Variants in PHF14 observed in about 807,000 individuals in gnomAD.
PHF14 encodes PHD finger protein 14.
Under a neutral mutation model 117.9 loss-of-function variants are expected in PHF14, and 55 were observed. The ratio of observed to expected loss-of-function variants is 0.47; its 90% CI spans 0.38 to 0.58. The LOEUF is 0.58. PHF14 is among the 20% of genes least tolerant of loss of function. The probability of loss-of-function intolerance (pLI) is 0.00; values close to 1 mark genes in which losing one functional copy is unlikely to be tolerated. For missense variants in PHF14, 978 were observed against 1,122.2 expected (o/e 0.87, Z 1.84); for synonymous variants, 409 against 368.6 (o/e 1.11, Z -1.26).
intron 4 of PHF14, among the ~76,000 whole-genome samples, chr7:11,007,098 A>C (rs1783139236): frequency 6.6e-6 from 1 of 151,592 alleles, no homozygotes; most frequent in African/African-American, 2.4e-5. Context: ...AATCGCTTGA[A>C]CCCAGGAGGG....
intron 3 of PHF14, among the ~76,000 whole-genome samples, chr7:10,985,544 A>G (rs772210006): frequency 1.4e-5 from 2 of 146,954 alleles, no homozygotes; most frequent in Non-Finnish European, 3.0e-5. Context: ...GGGCCCTTTT[A>G]TAATTACTGC....
At chr7:11,129,370 G>C (rs1301728156) in intron 17 of PHF14, among the ~76,000 whole-genome samples, 2 of 151,974 alleles carry the variant, frequency 1.3e-5, no homozygotes, top group Non-Finnish European at 2.9e-5. Flanking sequence ...ATTTTCTTAT[G>C]TAGTTCACTC....
chr7:11,123,444 G>C (rs979255602), intron 17 of PHF14, among the ~76,000 whole-genome samples: 8 of 152,076 alleles, frequency 5.3e-5, no homozygotes, highest in African/African-American at 1.9e-4. Context: ...GATTAAATAT[G>C]CTATAATTAA....
intron 13 of PHF14, 97 bp from the exon 14 acceptor site, chr7:11,051,512 ATAT>A: frequency 1.1e-6 from 1 of 908,484 alleles, no homozygotes. Context: ...ATATTTTTAT[ATAT>A]TATTCTTATA....
At chr7:11,121,960 C>G (rs889897583) in intron 17 of PHF14, among the ~76,000 whole-genome samples, 1 of 151,668 alleles carries the variant, frequency 6.6e-6, no homozygotes, top group Non-Finnish European at 1.5e-5. Context: ...ACCCGTCAGA[C>G]GTTTTAAGCC....
chr7:11,031,733 A>G (rs980430518), intron 7 of PHF14, among the ~76,000 whole-genome samples: 1 of 152,144 alleles, frequency 6.6e-6, no homozygotes. Context: ...AGCCTGGAGA[A>G]TAGAGTGAGA....
chr7:11,052,249 C>T (rs757683876), intron 14 of PHF14, among the ~76,000 whole-genome samples: 23 of 152,110 alleles, frequency 1.5e-4, no homozygotes, highest in Non-Finnish European at 2.5e-4. Context: ...ATGTTTTTCT[C>T]TGGTAATTTG....
At chr7:11,105,729 G>A (rs904602421) in intron 16 of PHF14, 5 of 984,628 alleles carry the variant, frequency 5.1e-6, no homozygotes, top group Non-Finnish European at 6.0e-6. Context: ...CTTTCCCATA[G>A]TGCTCACTTT....
chr7:11,056,183 A>G (rs1040521704), intron 14 of PHF14, among the ~76,000 whole-genome samples: 1 of 152,156 alleles, frequency 6.6e-6, no homozygotes, highest in Non-Finnish European at 1.5e-5. Flanking sequence ...TAGCTCAAGT[A>G]ATCTTATTCA....
At chr7:11,006,282 G>T in intron 4 of PHF14, 1 of 380,962 alleles carries the variant, frequency 2.6e-6, no homozygotes, top group Non-Finnish European at 5.1e-6. Flanking sequence ...GCATCTTGTG[G>T]CCATTTGCCA....
intron 13 of PHF14, among the ~76,000 whole-genome samples, chr7:11,044,010 AAAGGGAAATCATGTTCTTTGTAGCAAC>A (rs1349830064): frequency 8.5e-4 from 129 of 152,298 alleles, no homozygotes; most frequent in Admixed American, 2.9e-3. Context: ...ACACACAAAA[AAAGGGAAATCATGTTCTTTGTAGCAAC>A]AAGGAGGCAG....
intron 17 of PHF14, among the ~76,000 whole-genome samples, chr7:11,122,415 ATATATATATACACG>A (rs1208382791): frequency 2.4e-5 from 3 of 124,166 alleles, no homozygotes; most frequent in East Asian, 2.2e-4. Context: ...ATATACACGT[ATATATATATACACG>A]TATATATATA....
At chr7:11,049,242 G>A (rs1239102287) in intron 13 of PHF14, among the ~76,000 whole-genome samples, 1 of 152,082 alleles carries the variant, frequency 6.6e-6, no homozygotes, top group Non-Finnish European at 1.5e-5. Flanking sequence ...GAAGGCTGAG[G>A]CGGGAGGATC....
In PHF14 at chr7:10,974,149, G is replaced by A. The variant is rs1299196257; in HGVS notation, c.-175G>A. The A allele has an allele frequency of 6.5e-6, 4 of 617,884 alleles. No individual in the cohort carries two copies. Among genetic ancestry groups the A allele is most frequent in the Non-Finnish European group, 8.7e-6 (3 of 344,150 alleles). The allele number at this position is 617,884 out of a possible 1,614,324, so 38.3% of individuals were successfully genotyped here. Reference sequence around the variant, plus strand: ...CCAGGCGAGGCCGGGGGGGCGGGGGGTTAGGGGACCGCGGGGCTACTCTTG... The same window carrying A: ...CCAGGCGAGGCCGGGGGGGCGGGGGATTAGGGGACCGCGGGGCTACTCTTG... On this transcript the variant is annotated 5_prime_UTR_variant, in exon 1 of 18. Coordinates refer to ENST00000634607, the MANE Select transcript of PHF14 (RefSeq NM_001007157.2).
At chr7:11,074,904 C>T (rs967318389) in intron 16 of PHF14, among the ~76,000 whole-genome samples, 4 of 151,828 alleles carry the variant, frequency 2.6e-5, no homozygotes, top group African/African-American at 9.7e-5. Context: ...GCCCATTACC[C>T]AGTTCCCAAG....
chr7:11,080,136 G>A (rs1439082796), intron 16 of PHF14, among the ~76,000 whole-genome samples: 1 of 152,120 alleles, frequency 6.6e-6, no homozygotes, highest in Non-Finnish European at 1.5e-5. Context: ...CATACCAAGT[G>A]TAGTTGGATA....
At chr7:10,975,144 A>G (rs561266102) in intron 2 of PHF14, among the ~76,000 whole-genome samples, 199 bp downstream of exon 2, 1 of 152,342 alleles carries the variant, frequency 6.6e-6, no homozygotes, top group South Asian at 2.1e-4. Context: ...CCTCAGAGAT[A>G]ATTAGCAGTC....
intron 4 of PHF14, among the ~76,000 whole-genome samples, chr7:10,994,511 A>T (rs533728840): frequency 6.6e-6 from 1 of 152,282 alleles, no homozygotes; most frequent in East Asian, 1.9e-4. Flanking sequence ...GTATGGCTAG[A>T]ACTGGGTGAG....
rs997245681 is a variant in PHF14, at chr7:11,137,030, A to C, written c.2772+25563A>C. On this transcript the variant is annotated intron_variant, in intron 17 of 17. Coordinates refer to ENST00000634607, the MANE Select transcript of PHF14 (RefSeq NM_001007157.2). ...TATGCTACGCATTTTCAGTGGGGAC[A>C]AACATTGGTTCTTATGGGGGCAAAA... Among the ~76,000 whole-genome samples the C allele has an allele frequency of 4.3e-4, 66 of 152,328 alleles. 1 individual carries two copies. Among genetic ancestry groups the C allele is most frequent in the African/African-American group, 1.6e-3 (65 of 41,582 alleles).
Sources: allele counts gnomAD v4.1 joint callset (sites outside exome capture counted in the v4.1 genomes callset), GRCh38; gene constraint gnomAD v4.1.1; transcripts MANE v1.5; gene names NCBI Gene and HGNC (gene_info 2026-07-23, HGNC 2026-07-21).